Variants in USP34 observed in about 807,000 individuals in gnomAD.
USP34 encodes ubiquitin specific peptidase 34, also known as ubiquitin carboxyl-terminal hydrolase 34.
Under a neutral mutation model 460.3 loss-of-function variants are expected in USP34, and 70 were observed. The observed-to-expected ratio is 0.15, with a 90% CI of 0.13 to 0.19. The LOEUF (loss-of-function observed/expected upper bound fraction) is 0.19. Ranked by LOEUF, USP34 falls within the 10% of genes least tolerant of loss-of-function variation. The probability of loss-of-function intolerance (pLI) is 1.00; values close to 1 mark genes in which losing one functional copy is unlikely to be tolerated. For synonymous variants in USP34, 1,647 were observed against 1,405.3 expected (o/e 1.17, Z -3.85); for missense variants, 3,985 against 4,236.2 (o/e 0.94, Z 1.65).
At position 61,188,336 on chromosome 2, in the gene USP34, A is replaced by C. The variant is rs768251669; in HGVS notation, c.10407T>G (p.Pro3469=). The part of the protein sequence containing the change: ...STLAEEESEF[P]STSISAVLSD... ...ACAGAACTGCAGAGATAGAAGTAGAAGGGAACTCAGATTCTTCCTCAGCTA... is the reference window on the plus strand; with the variant it reads ...ACAGAACTGCAGAGATAGAAGTAGACGGGAACTCAGATTCTTCCTCAGCTA... Residue 3469 remains proline (P), a synonymous_variant, in exon 80 of 80, where the codon CCT becomes CCG. Transcript: ENST00000398571. 6.2e-7 allele frequency: 1 copy of C among 1,613,666 alleles called. No homozygotes were observed. The highest frequency in any genetic ancestry group is 8.5e-7 in the Non-Finnish European group (1 of 1,180,032).
intron 1 of USP34, among the ~76,000 whole-genome samples, chr2:61,449,791 G>A (rs574147392): frequency 4.0e-5 from 6 of 149,684 alleles, no homozygotes; most frequent in Admixed American, 1.3e-4. Flanking sequence ...TGTATCAGCC[G>A]GCGCGGTGGC....
At chr2:61,340,001 G>C (rs373710333) in intron 16 of USP34, among the ~76,000 whole-genome samples, 1 of 152,180 alleles carries the variant, frequency 6.6e-6, no homozygotes, top group Non-Finnish European at 1.5e-5. Flanking sequence ...GAGAAGAATA[G>C]TGCCATTTAG....
At chr2:61,326,376 C>T (rs560715829) in intron 20 of USP34, among the ~76,000 whole-genome samples, 91 of 152,170 alleles carry the variant, frequency 6.0e-4, no homozygotes, top group Non-Finnish European at 1.1e-3. Flanking sequence ...GCGTGCGCCA[C>T]CACACCCGGC....
chr2:61,354,734 G>C (rs918561929), intron 10 of USP34, among the ~76,000 whole-genome samples: 1 of 152,216 alleles, frequency 6.6e-6, no homozygotes, highest in Non-Finnish European at 1.5e-5. Context: ...ACTATGTTGG[G>C]TTGGGCAACA....
intron 5 of USP34, among the ~76,000 whole-genome samples, chr2:61,385,302 A>G (rs1319032441): frequency 6.6e-6 from 1 of 152,182 alleles, no homozygotes; most frequent in Non-Finnish European, 1.5e-5. Context: ...CTATAGATTC[A>G]GTACAATCCA....
At chr2:61,293,945 G>A (rs904953918) in intron 32 of USP34, among the ~76,000 whole-genome samples, 1 of 152,060 alleles carries the variant, frequency 6.6e-6, no homozygotes, top group Non-Finnish European at 1.5e-5. Context: ...AACCCAGGAG[G>A]TCAAGGCTGC....
At chr2:61,231,423 G>C (rs1159092058) in intron 58 of USP34, among the ~76,000 whole-genome samples, 2 of 152,118 alleles carry the variant, frequency 1.3e-5, no homozygotes, top group African/African-American at 4.8e-5. Context: ...TATAAGAATT[G>C]TAACTTAGGC....
intron 27 of USP34, among the ~76,000 whole-genome samples, chr2:61,304,586 C>T (rs1404764750): frequency 3.9e-5 from 6 of 152,162 alleles, no homozygotes; most frequent in African/African-American, 1.4e-4. Context: ...CTTGCTTGAG[C>T]CTTCTACCAA....
chr2:61,333,235 T>C (rs1691322690), intron 19 of USP34, among the ~76,000 whole-genome samples: 2 of 152,008 alleles, frequency 1.3e-5, no homozygotes, highest in South Asian at 2.1e-4. Context: ...AATCATAAGT[T>C]CTCCATAAAT....
At chr2:61,317,895 T>C in intron 22 of USP34, 128 bp from the exon 23 acceptor site, 1 of 643,396 alleles carries the variant, frequency 1.6e-6, no homozygotes. Context: ...TTAGTGATAA[T>C]TTTAAAAAAT....
intron 10 of USP34, among the ~76,000 whole-genome samples, chr2:61,368,214 A>C (rs1312964216): frequency 3.9e-5 from 6 of 152,148 alleles, no homozygotes; most frequent in Non-Finnish European, 7.4e-5. Flanking sequence ...CGGAAGGATT[A>C]TGAGGTTAAG....
Position 61,471,058 on chromosome 2 carries a change from G to A in USP34, c.-366C>T, listed in dbSNP as rs2104139411. On this transcript the variant is annotated 5_prime_UTR_variant, in exon 1 of 80. Coordinates refer to ENST00000398571, the MANE Select transcript of USP34 (RefSeq NM_014709.4). ...AGACGCCGCGGCCACCGCCGACGCC[G>A]CCGCCATTTTAACAGAGCGCTCGGG... The A allele has an allele frequency of 4.4e-6, 1 of 225,572 alleles. No homozygotes were observed. Among genetic ancestry groups the A allele is most frequent in the East Asian group, 9.1e-5 (1 of 11,034 alleles). 14.0% of individuals were successfully genotyped at this position (225,572 alleles called of 1,614,324 possible). A position where few individuals can be genotyped will look rare whatever the true frequency, so the allele number is the denominator to read the frequency against.
At chr2:61,452,860 G>A (rs1053916093) in intron 1 of USP34, among the ~76,000 whole-genome samples, 8 of 141,742 alleles carry the variant, frequency 5.6e-5, no homozygotes, top group Non-Finnish European at 1.2e-4. Context: ...CTACACTCCA[G>A]CCCTTAGAGA....
rs1347822065 is a variant in USP34 at position 61,335,912 on chromosome 2, T to G, written c.2745-1941A>C. On this transcript the variant is annotated intron_variant, in intron 18 of 79. Transcript: ENST00000398571. ...AACAGTGTGGTAGTCCTGTAAGAAT[T>G]ACTAAGGCAGCTTTTTGTTATCTTA... Among the ~76,000 whole-genome samples, 4 of 152,238 alleles carry G rather than the reference T, an allele frequency of 2.6e-5. No individual in the cohort carries two copies. The South Asian group carries it at 6.2e-4, about 24-fold the overall frequency.
At chr2:61,190,722 A>T (rs952075317) in intron 76 of USP34, 64 bp from the exon 77 acceptor site, 15 of 1,543,128 alleles carry the variant, frequency 9.7e-6, no homozygotes, top group Non-Finnish European at 1.3e-5. Flanking sequence ...ACACGGAAAA[A>T]ACTTACACAG....
chr2:61,341,884 T>A (rs1375706218), intron 16 of USP34, among the ~76,000 whole-genome samples: 1 of 150,898 alleles, frequency 6.6e-6, no homozygotes, highest in Admixed American at 6.6e-5. Context: ...TGCCTCAGCG[T>A]CCCGAGTAGC....
chr2:61,315,788 T>C (rs1412669074), intron 23 of USP34, among the ~76,000 whole-genome samples: 1 of 152,158 alleles, frequency 6.6e-6, no homozygotes, highest in Non-Finnish European at 1.5e-5. Context: ...TAAAGAAAGA[T>C]TTCCTTCTAA....
Position 61,420,734 on chromosome 2 carries a change from A to G in USP34, c.131+12T>C. 6.3e-7 allele frequency: 1 copy of G among 1,579,194 alleles called. No homozygotes were observed. Among genetic ancestry groups the G allele is most frequent in the Non-Finnish European group, 8.6e-7 (1 of 1,164,918 alleles). ...ACAAAAATTAGTCTTCGAAATACCT[A>G]AAGATGCATACCTCTGTGTCCAGGA... On this transcript the variant is annotated intron_variant, in intron 2 of 79. Coordinates refer to ENST00000398571, the MANE Select transcript of USP34 (RefSeq NM_014709.4).
At chr2:61,224,427 G>A (rs934407690) in intron 62 of USP34, among the ~76,000 whole-genome samples, 11 of 152,184 alleles carry the variant, frequency 7.2e-5, no homozygotes, top group Admixed American at 2.0e-4. Flanking sequence ...TCTTGTAGAA[G>A]GCACACAATG....
Sources: allele counts gnomAD v4.1 joint callset (sites outside exome capture counted in the v4.1 genomes callset), GRCh38; gene constraint gnomAD v4.1.1; transcripts MANE v1.5; gene names NCBI Gene and HGNC (gene_info 2026-07-23, HGNC 2026-07-21).